The following XYLT1 variants were observed in gnomAD, a reference collection of about 807,000 sequenced individuals.
The protein encoded by XYLT1 is beta-D-xylosyltransferase 1.
A neutral mutation model predicts 91.3 loss-of-function variants in XYLT1; 36 were observed. That is an observed-to-expected ratio of 0.39 (90% CI 0.30 to 0.52). The LOEUF (loss-of-function observed/expected upper bound fraction) is 0.52. XYLT1 is among the 20% of genes least tolerant of loss of function. XYLT1 has a pLI of 0.68. For synonymous variants in XYLT1, 588 were observed against 532.0 expected (o/e 1.11, Z -1.45); for missense variants, 1,242 against 1,284.5 (o/e 0.97, Z 0.51).
intron 1 of XYLT1, among the ~76,000 whole-genome samples, chr16:17,439,303 A>G (rs1162986829): frequency 1.3e-5 from 2 of 152,070 alleles, no homozygotes; most frequent in East Asian, 3.9e-4. Context: ...GTTATCCCCA[A>G]ACAAAGTTGA....
rs926565396 is a variant in XYLT1 at position 17,106,935 on chromosome 16, T to C, written c.*1760A>G. On this transcript the variant is annotated 3_prime_UTR_variant, in exon 12 of 12. Coordinates refer to ENST00000261381, the MANE Select transcript of XYLT1 (RefSeq NM_022166.4). ...TGCTTTACTCTGAGGATGAGGAGGA[T>C]GGGGGGTAGACGCAGAGAAAGAGAA... 2.0e-5 allele frequency: 3 copies of C among 151,140 alleles called. No homozygotes were observed. The highest frequency in any genetic ancestry group is 7.3e-5 in the African/African-American group (3 of 41,024). 9.4% of individuals were successfully genotyped at this position (151,140 alleles called of 1,614,324 possible). A position where few individuals can be genotyped will look rare whatever the true frequency, so the allele number is the denominator to read the frequency against.
intron 2 of XYLT1, among the ~76,000 whole-genome samples, chr16:17,311,827 A>T (rs373909380): frequency 0.22 from 33,870 of 152,064 alleles, 4,072 homozygotes; most frequent in Middle Eastern, 0.27. Context: ...CACGTCTTAC[A>T]TGGCAGCAGG....
intron 3 of XYLT1, among the ~76,000 whole-genome samples, chr16:17,245,189 G>A (rs2033417150): frequency 6.6e-6 from 1 of 152,192 alleles, no homozygotes; most frequent in Non-Finnish European, 1.5e-5. Context: ...ATACAGCCTT[G>A]ACTTGAGGAA....
intron 2 of XYLT1, among the ~76,000 whole-genome samples, chr16:17,304,154 C>A (rs894661653): frequency 3.3e-5 from 5 of 151,926 alleles, no homozygotes; most frequent in African/African-American, 1.2e-4. Flanking sequence ...TTGGTAATAA[C>A]CATCGTGGTG....
chr16:17,329,694 CT>C (rs2034866898), intron 2 of XYLT1, among the ~76,000 whole-genome samples: 1 of 152,170 alleles, frequency 6.6e-6, no homozygotes, highest in Non-Finnish European at 1.5e-5. Context: ...GCCTCCGGGT[CT>C]GTTACTTGCA....
At chr16:17,397,856 T>G (rs1015919534) in intron 1 of XYLT1, among the ~76,000 whole-genome samples, 10 of 137,544 alleles carry the variant, frequency 7.3e-5, no homozygotes, top group Non-Finnish European at 1.2e-4. Context: ...TTTGAGACAG[T>G]GTATTGCCCA....
At chr16:17,299,786 C>T (rs754357695) in intron 2 of XYLT1, among the ~76,000 whole-genome samples, 22 of 152,234 alleles carry the variant, frequency 1.4e-4, no homozygotes, top group Non-Finnish European at 1.9e-4. Context: ...GAGACTGGTT[C>T]GAGTTCTTAG....
At chr16:17,343,025 G>A (rs530306142) in intron 2 of XYLT1, among the ~76,000 whole-genome samples, 2 of 152,262 alleles carry the variant, frequency 1.3e-5, no homozygotes, top group South Asian at 2.1e-4. Context: ...ACAGCTGCCC[G>A]CAGAGAACAG....
rs969475034 is a variant in XYLT1, at chr16:17,398,819, C to CCCCA, written c.364-40770_364-40769insTGGG. ...GCATGGCTATGTCCAAATGTCCCCG[C>CCCCA]CCCCCCCCACTGTTTTTTTGTTTTG... On this transcript the variant is annotated intron_variant, in intron 1 of 11. Coordinates refer to ENST00000261381, the MANE Select transcript of XYLT1 (RefSeq NM_022166.4). 7.2e-4 allele frequency among the ~76,000 whole-genome samples: 13 copies of CCCCA among 17,936 alleles called. 1 individual carries two copies. Among genetic ancestry groups the CCCCA allele is most frequent in the African/African-American group, 1.6e-3 (4 of 2,576 alleles). The allele number at this position is 17,936 out of a possible 152,430, so 11.8% of individuals were successfully genotyped here.
chr16:17,134,208 A>AGT (rs1308023966), intron 9 of XYLT1, among the ~76,000 whole-genome samples: 5 of 152,346 alleles, frequency 3.3e-5, no homozygotes, highest in African/African-American at 1.2e-4. Context: ...TTCCTTCTAA[A>AGT]GTATATATAT....
intron 1 of XYLT1, among the ~76,000 whole-genome samples, chr16:17,391,244 AGG>A (rs1393491897): frequency 3.3e-5 from 5 of 152,108 alleles, no homozygotes; most frequent in African/African-American, 9.7e-5. Flanking sequence ...GATATGAACT[AGG>A]GGAAGATTTT....
In XYLT1 at chr16:17,327,602, TCCCGCCCCCCCCCCCCCC is replaced by T. The variant is rs1250797428; in HGVS notation, c.402+30392_402+30409del. Among the ~76,000 whole-genome samples, 20 of 107,126 alleles carry T rather than the reference TCCCGCCCCCCCCCCCCCC, an allele frequency of 1.9e-4. 2 individuals are homozygous for T. The highest frequency in any genetic ancestry group is 6.9e-4 in the African/African-American group (19 of 27,638). The allele number at this position is 107,126 out of a possible 152,430, so 70.3% of individuals were successfully genotyped here. On this transcript the variant is annotated intron_variant, in intron 2 of 11. Coordinates refer to ENST00000261381, the MANE Select transcript of XYLT1 (RefSeq NM_022166.4). Reference sequence around the variant, plus strand: ...TGGTCTCAATCTCCTGACCTCGTGATCCCGCCCCCCCCCCCCCCCCCCCCCCGCCTCGGCCTCCCAAAG... The same window carrying T: ...TGGTCTCAATCTCCTGACCTCGTGATCCCCCCCCGCCTCGGCCTCCCAAAG...
chr16:17,107,001 G>GAA lies in XYLT1; in HGVS notation c.*1692_*1693dup, dbSNP rs1437080724. The GAA allele has an allele frequency of 1.3e-5, 2 of 152,118 alleles. No homozygotes were observed. Among genetic ancestry groups the GAA allele is most frequent in the Non-Finnish European group, 2.9e-5 (2 of 68,022 alleles). The allele number at this position is 152,118 out of a possible 1,614,324, so 9.4% of individuals were successfully genotyped here. A position where few individuals can be genotyped will look rare whatever the true frequency, so the allele number is the denominator to read the frequency against. The stretch of plus-strand genomic sequence containing the variant: ...GACACCAGGGGGTGGGAAAAGATGG[G>GAA]AAAAGGGGCCTTTTGTGAATAAAGG... On this transcript the variant is annotated 3_prime_UTR_variant, in exon 12 of 12. Coordinates refer to ENST00000261381, the MANE Select transcript of XYLT1 (RefSeq NM_022166.4).
intron 7 of XYLT1, 80 bp downstream of exon 7, chr16:17,141,073 C>T (rs1379828424): frequency 9.1e-6 from 13 of 1,432,404 alleles, no homozygotes; most frequent in Non-Finnish European, 1.3e-5. Context: ...AATCTCTTTG[C>T]CAAAAATTCA....
At chr16:17,184,583 C>T (rs141336979) in intron 5 of XYLT1, among the ~76,000 whole-genome samples, 18 of 152,220 alleles carry the variant, frequency 1.2e-4, no homozygotes, top group Non-Finnish European at 2.6e-4. Flanking sequence ...AAATTTAGTT[C>T]CTCAGTCCCA....
chr16:17,321,447 T>A (rs1432250870), intron 2 of XYLT1, among the ~76,000 whole-genome samples: 1 of 147,950 alleles, frequency 6.8e-6, no homozygotes, highest in Admixed American at 6.9e-5. Flanking sequence ...AGCCTTGACT[T>A]CTTTGGTTCA....
At chr16:17,350,022 C>T (rs1235063889) in intron 2 of XYLT1, among the ~76,000 whole-genome samples, 1 of 152,034 alleles carries the variant, frequency 6.6e-6, no homozygotes, top group Non-Finnish European at 1.5e-5. Context: ...TACAGGCGCC[C>T]ACCACCACAC....
intron 2 of XYLT1, among the ~76,000 whole-genome samples, chr16:17,323,564 A>C (rs1179246511): frequency 6.6e-6 from 1 of 152,194 alleles, no homozygotes; most frequent in African/African-American, 2.4e-5. Context: ...TAAACAGCAA[A>C]TTATTTAACT....
intron 2 of XYLT1, among the ~76,000 whole-genome samples, chr16:17,313,178 A>C (rs561591190): frequency 6.6e-6 from 1 of 152,294 alleles, no homozygotes; most frequent in South Asian, 2.1e-4. Context: ...CCAGAACTAG[A>C]CAAAAATCTG....
Sources: allele counts gnomAD v4.1 joint callset (sites outside exome capture counted in the v4.1 genomes callset), GRCh38; gene constraint gnomAD v4.1.1; transcripts MANE v1.5; gene names NCBI Gene and HGNC (gene_info 2026-07-23, HGNC 2026-07-21).